MTMR9: variants seen among roughly 807,000 people sequenced by gnomAD.
MTMR9 encodes the protein myotubularin related protein 9, also known as myotubularin-related protein 9.
A neutral mutation model predicts 69.5 loss-of-function variants in MTMR9; 39 were observed. That is an observed-to-expected ratio of 0.56 (90% CI 0.43 to 0.73). The LOEUF (loss-of-function observed/expected upper bound fraction) is 0.73. Ranked by LOEUF, MTMR9 falls within the 30% of genes least tolerant of loss-of-function variation. The pLI is 0.00. For missense variants in MTMR9, 900 were observed against 671.2 expected (o/e 1.34, Z -3.77); for synonymous variants, 354 against 240.8 (o/e 1.47, Z -4.35).
intron 8 of MTMR9, chr8:11,317,638 C>A (rs1250007993): frequency 1.3e-5 from 2 of 152,294 alleles, no homozygotes. Context: ...TTTGGGGATC[C>A]CTGGCCTAAA....
chr8:11,320,002 G>T, intron 9 of MTMR9, 164 bp downstream of exon 9: 1 of 560,918 alleles, frequency 1.8e-6, no homozygotes, highest in Non-Finnish European at 2.9e-6. Context: ...TTTCAAATCA[G>T]TTATCTAGCC....
At chr8:11,288,296 A>G (rs1200521118) in intron 1 of MTMR9, among the ~76,000 whole-genome samples, 1 of 139,742 alleles carries the variant, frequency 7.2e-6, no homozygotes, top group Non-Finnish European at 1.5e-5. Flanking sequence ...AGCATATAAT[A>G]TATATTATAA....
At chr8:11,330,851 T>G (rs1437898165), downstream of MTMR9, 1 of 588,714 alleles carries the variant, frequency 1.7e-6, no homozygotes, top group East Asian at 3.0e-5. Context: ...TGACCTTCCC[T>G]CCACTATTGT....
In MTMR9 at chr8:11,288,025, A is replaced by ATATATAATATATATTATATAATACGTAT. The variant is rs1413349311; in HGVS notation, c.182+2975_182+3002dup. Among the ~76,000 whole-genome samples, 380 of 127,958 alleles carry ATATATAATATATATTATATAATACGTAT rather than the reference A, an allele frequency of 3.0e-3. 4 individuals carry two copies. The highest frequency in any genetic ancestry group is 0.011 in the African/African-American group (367 of 33,942). 83.9% of individuals were successfully genotyped at this position (127,958 alleles called of 152,430 possible). A position where few individuals can be genotyped will look rare whatever the true frequency, so the allele number is the denominator to read the frequency against. On this transcript the variant is annotated intron_variant, in intron 1 of 9. Transcript: ENST00000221086. ...TAATACATAGTATATAATACGTATGATATATAATATATATTATATAATACG... is the reference window on the plus strand; with the variant it reads ...TAATACATAGTATATAATACGTATGATATATAATATATATTATATAATACGTATTATATAATATATATTATATAATACG...
At chr8:11,304,292 A>T (rs752931421) in intron 3 of MTMR9, among the ~76,000 whole-genome samples, 7 of 152,188 alleles carry the variant, frequency 4.6e-5, no homozygotes, top group Non-Finnish European at 1.0e-4. Flanking sequence ...AAAGGGTTTG[A>T]TATAGATAGT....
chr8:11,318,693 C>G (rs1052074390), intron 8 of MTMR9: 1 of 152,042 alleles, frequency 6.6e-6, no homozygotes, highest in Non-Finnish European at 1.5e-5. Flanking sequence ...AAGAGTGTTC[C>G]AGAGTTTTAG....
At chr8:11,332,347 T>A, downstream of MTMR9, 1 of 805,580 alleles carries the variant, frequency 1.2e-6, no homozygotes, top group Non-Finnish European at 1.8e-6. Flanking sequence ...AGGAATAAAA[T>A]TAATTGAACT....
At chr8:11,291,671 C>G (rs77005491) in intron 1 of MTMR9, among the ~76,000 whole-genome samples, 1 of 151,890 alleles carries the variant, frequency 6.6e-6, no homozygotes, top group Non-Finnish European at 1.5e-5. Flanking sequence ...TCTAGTCATT[C>G]ATTATACTTT....
At chr8:11,292,473 TC>T (rs1799407423) in intron 1 of MTMR9, among the ~76,000 whole-genome samples, 1 of 152,176 alleles carries the variant, frequency 6.6e-6, no homozygotes, top group Admixed American at 6.5e-5. Flanking sequence ...GTGTGAGAGT[TC>T]TATTTCCTCC....
At chr8:11,302,916 G>A (rs1351987332) in intron 3 of MTMR9, among the ~76,000 whole-genome samples, 1 of 151,940 alleles carries the variant, frequency 6.6e-6, no homozygotes, top group Non-Finnish European at 1.5e-5. Flanking sequence ...AGAAAAGATA[G>A]TAAGACCTTT....
At chr8:11,291,567 A>T (rs1189580171) in intron 1 of MTMR9, among the ~76,000 whole-genome samples, 1 of 152,124 alleles carries the variant, frequency 6.6e-6, no homozygotes, top group Non-Finnish European at 1.5e-5. Flanking sequence ...TTCTATAAGT[A>T]ACTGACTAGA....
At chr8:11,304,797 C>T (rs1799878465) in intron 3 of MTMR9, 44 bp from the exon 4 acceptor site, 5 of 1,586,332 alleles carry the variant, frequency 3.2e-6, no homozygotes, top group African/African-American at 2.7e-5. Flanking sequence ...TATTTTGCGA[C>T]ATTGAGATAG....
intron 2 of MTMR9, chr8:11,297,842 T>A: frequency 4.4e-6 from 2 of 456,072 alleles, no homozygotes; most frequent in Non-Finnish European, 8.8e-6. Flanking sequence ...CTGTTAAATG[T>A]TCTTACAGCG....
chr8:11,307,378 CTTT>C (rs1472696841), intron 5 of MTMR9, among the ~76,000 whole-genome samples: 1 of 152,116 alleles, frequency 6.6e-6, no homozygotes. Flanking sequence ...GGCCTACCCT[CTTT>C]TTTAAGGCTG....
At chr8:11,332,200 A>G, downstream of MTMR9, 2 of 1,517,200 alleles carry the variant, frequency 1.3e-6, no homozygotes, top group East Asian at 4.9e-5. Flanking sequence ...AAAAAAATAA[A>G]AGAAAAAAAA....
intron 2 of MTMR9, among the ~76,000 whole-genome samples, chr8:11,296,752 G>T (rs1202032895): frequency 3.3e-5 from 5 of 152,124 alleles, no homozygotes; most frequent in Non-Finnish European, 5.9e-5. Flanking sequence ...ATGGATGCAT[G>T]TGGTGAGACT....
downstream of MTMR9, among the ~76,000 whole-genome samples, chr8:11,329,718 C>G (rs377221921): frequency 2.9e-4 from 44 of 152,350 alleles, 1 homozygote; most frequent in East Asian, 6.6e-3. Flanking sequence ...GAGATTGCAG[C>G]CTCTGCCCGG....
the MTMR9 span, among the ~76,000 whole-genome samples, chr8:11,336,795 G>A: frequency 6.6e-5 from 10 of 152,244 alleles, no homozygotes; most frequent in South Asian, 2.1e-4. Flanking sequence ...GAAAGGGATC[G>A]GAATCACCTG....
At position 11,306,183 on chromosome 8, in the gene MTMR9, C is replaced by CTGAAAT. The variant is rs1176181012; in HGVS notation, c.592-6_592-5insGAAATT. 8.7e-6 allele frequency: 14 copies of CTGAAAT among 1,611,462 alleles called. No homozygotes were observed. Among genetic ancestry groups the CTGAAAT allele is most frequent in the Non-Finnish European group, 1.2e-5 (14 of 1,179,382 alleles). ...CTGTTGAATTTTCAGCTTTATTATG[C>CTGAAAT]TTCTAGGTAATTATGCGAAGTGGTC... On this transcript the variant is annotated splice_region_variant and splice_polypyrimidine_tract_variant and intron_variant, in intron 4 of 9. Transcript: ENST00000221086.
Sources: allele counts gnomAD v4.1 joint callset (sites outside exome capture counted in the v4.1 genomes callset), GRCh38; gene constraint gnomAD v4.1.1; transcripts MANE v1.5; gene names NCBI Gene and HGNC (gene_info 2026-07-23, HGNC 2026-07-21).